Variants in ZC3H12B observed in about 807,000 individuals in gnomAD.
ZC3H12B encodes the protein zinc finger CCCH-type containing 12B.
In ZC3H12B, 7 loss-of-function variants were observed where a neutral mutation model predicts 43.9. That is an observed-to-expected ratio of 0.16 (90% CI 0.09 to 0.30). ZC3H12B has a LOEUF of 0.30. Ranked by LOEUF, ZC3H12B falls within the 10% of genes least tolerant of loss-of-function variation. ZC3H12B has a pLI of 1.00. For synonymous variants in ZC3H12B, 222 were observed against 241.7 expected, an observed-to-expected ratio of 0.92 and a Z score of 0.76; for missense variants, 475 against 670.2, an observed-to-expected ratio of 0.71 and a Z score of 3.22.
chrX:65,132,694 A>G, the ZC3H12B span, among the ~76,000 whole-genome samples: 1 of 111,633 alleles, frequency 9.0e-6, no homozygotes, highest in African/African-American at 3.3e-5. Context: ...AGTTCGCATC[A>G]GAGTTGGGGA....
the ZC3H12B span, among the ~76,000 whole-genome samples, chrX:65,351,940 C>T: frequency 8.0e-5 from 9 of 112,257 alleles, no homozygotes; most frequent in South Asian, 3.7e-4. Flanking sequence ...CCAGAAATAA[C>T]ATTTGATCCA....
chrX:65,083,992 A>C, the ZC3H12B span, among the ~76,000 whole-genome samples: 1 of 111,905 alleles, frequency 8.9e-6, no homozygotes, highest in Admixed American at 9.5e-5. Context: ...AAAGATGCTA[A>C]GAACATACAC....
intron 3 of ZC3H12B, among the ~76,000 whole-genome samples, chrX:65,431,506 A>G (rs911194698): frequency 8.9e-6 from 1 of 112,505 alleles, no homozygotes; most frequent in African/African-American, 3.2e-5. Flanking sequence ...TTTCACCAAC[A>G]CCAACTTTGT....
chrX:65,072,920 C>G, the ZC3H12B span, among the ~76,000 whole-genome samples: 26,893 of 112,114 alleles, frequency 0.24, 7,621 homozygotes, highest in African/African-American at 0.82. Flanking sequence ...TGTCAGCACA[C>G]AGGTGGGGTG....
At chrX:65,224,601 G>A in the ZC3H12B span, among the ~76,000 whole-genome samples, 10 of 112,318 alleles carry the variant, frequency 8.9e-5, no homozygotes, top group South Asian at 3.6e-4. Flanking sequence ...ACAAGGGGTC[G>A]GGGAGTTCCC....
At chrX:65,277,900 T>C in the ZC3H12B span, among the ~76,000 whole-genome samples, 7 of 109,430 alleles carry the variant, frequency 6.4e-5, no homozygotes, top group Non-Finnish European at 1.3e-4. Context: ...ATAAAGAATA[T>C]AAGAGATCAA....
chrX:65,103,300 G>T, the ZC3H12B span, among the ~76,000 whole-genome samples: 2 of 111,822 alleles, frequency 1.8e-5, no homozygotes, highest in African/African-American at 6.5e-5. Flanking sequence ...ATTTGCTTTT[G>T]TAAGAAGAGA....
the ZC3H12B span, among the ~76,000 whole-genome samples, chrX:65,355,651 C>T: frequency 2.7e-5 from 3 of 111,619 alleles, no homozygotes; most frequent in South Asian, 7.5e-4. Context: ...CCATAGTGTA[C>T]ATTTAAGTCA....
the ZC3H12B span, among the ~76,000 whole-genome samples, chrX:65,064,910 C>G: frequency 9.0e-6 from 1 of 111,262 alleles, no homozygotes; most frequent in African/African-American, 3.3e-5. Flanking sequence ...CTTTCTTTGT[C>G]TTTTTTCATC....
At chrX:65,249,460 G>T in the ZC3H12B span, among the ~76,000 whole-genome samples, 2 of 111,904 alleles carry the variant, frequency 1.8e-5, no homozygotes, top group Non-Finnish European at 3.8e-5. Flanking sequence ...GGTGACTATG[G>T]CCTTATAGTA....
At chrX:65,406,613 T>TGGGCGGGGCC (rs1473836593) in intron 3 of ZC3H12B, among the ~76,000 whole-genome samples, 442 of 17,398 alleles carry the variant, frequency 0.025, 7 homozygotes, top group South Asian at 0.033. Flanking sequence ...TGGGCGGGGC[T>TGGGCGGGGCC]GGGCGGGACT....
chrX:65,201,455 C>G, the ZC3H12B span, among the ~76,000 whole-genome samples: 4 of 111,318 alleles, frequency 3.6e-5, no homozygotes, highest in Non-Finnish European at 3.8e-5. Flanking sequence ...CTTTATTAGT[C>G]TAGCTAGTGG....
chrX:65,101,365 G>A, the ZC3H12B span, among the ~76,000 whole-genome samples: 1 of 111,513 alleles, frequency 9.0e-6, no homozygotes, highest in African/African-American at 3.3e-5. Context: ...AAATTCAAAA[G>A]CTAGCAGAAG....
At chrX:65,450,345 ATG>A (rs2067457922) in intron 3 of ZC3H12B, among the ~76,000 whole-genome samples, 1 of 83,906 alleles carries the variant, frequency 1.2e-5, no homozygotes, top group Non-Finnish European at 2.2e-5. Flanking sequence ...ATGTATATAT[ATG>A]TGTATATATA....
At chrX:65,410,417 G>A (rs1460325558) in intron 3 of ZC3H12B, among the ~76,000 whole-genome samples, 3 of 111,659 alleles carry the variant, frequency 2.7e-5, no homozygotes, top group Non-Finnish European at 1.9e-5. Flanking sequence ...AGAATTTTTT[G>A]AACAATATCC....
chrX:65,467,421 A>G (rs977505854), intron 3 of ZC3H12B, among the ~76,000 whole-genome samples: 1 of 111,601 alleles, frequency 9.0e-6, no homozygotes, highest in African/African-American at 3.3e-5. Flanking sequence ...ATACATGTGC[A>G]GGTATATTTT....
At chrX:65,150,001 C>A in the ZC3H12B span, among the ~76,000 whole-genome samples, 8 of 109,618 alleles carry the variant, frequency 7.3e-5, no homozygotes, top group South Asian at 2.7e-3. Context: ...AAAACTATTA[C>A]CATAACAACT....
chrX:65,376,525 A>T (rs917670078), intron 2 of ZC3H12B, among the ~76,000 whole-genome samples: 4 of 111,686 alleles, frequency 3.6e-5, no homozygotes, highest in African/African-American at 1.3e-4. Flanking sequence ...GGTGGTACTC[A>T]CTGGGCTGCT....
chrX:65,120,889 C>T, the ZC3H12B span, among the ~76,000 whole-genome samples: 1 of 111,524 alleles, frequency 9.0e-6, no homozygotes, highest in Non-Finnish European at 1.9e-5. Context: ...AAGGCCTTTT[C>T]TACATTTATT....
Sources: gnomAD v4.1 joint callset for allele counts (sites outside exome capture counted in the v4.1 genomes callset) on GRCh38, gnomAD v4.1.1 for gene constraint, MANE v1.5 for transcripts, NCBI Gene and HGNC (gene_info 2026-07-23, HGNC 2026-07-21) for gene names.